The following SV2B variants were observed in gnomAD, a reference collection of about 807,000 sequenced individuals.
SV2B encodes synaptic vesicle glycoprotein 2B.
Under a neutral mutation model 73.9 loss-of-function variants are expected in SV2B, and 41 were observed. That is an observed-to-expected ratio of 0.56 (90% confidence interval 0.43 to 0.72). SV2B has a LOEUF of 0.72. Among genes scored for constraint, SV2B ranks in the 30% least tolerant of loss-of-function variants. SV2B has a pLI of 0.00. For missense variants in SV2B, 764 were observed against 857.8 expected (o/e 0.89, Z 1.37); for synonymous variants, 314 against 314.2 (o/e 1.00, Z 0.01).
At chr15:91,151,620 A>T (rs2043315097) in intron 1 of SV2B, among the ~76,000 whole-genome samples, 1 of 152,238 alleles carries the variant, frequency 6.6e-6, no homozygotes, top group Non-Finnish European at 1.5e-5. Flanking sequence ...AATGAAAATA[A>T]AGCTTAAAAG....
rs116385265 is a variant in SV2B at position 91,296,705 on chromosome 15, T to C, written c.*4153T>C. 2,052 of 142,498 alleles carry C rather than the reference T, an allele frequency of 0.014. 31 individuals carry two copies. The highest frequency in any genetic ancestry group is 0.047 in the African/African-American group (1,709 of 36,530). The allele number at this position is 142,498 out of a possible 1,614,324, so 8.8% of individuals were successfully genotyped here. A position where few individuals can be genotyped will look rare whatever the true frequency, so the allele number is the denominator to read the frequency against. ...TCATTGGGAGCACACTCCTTCTGCC[T>C]GATCATGGGCACACGCTCCTTCTGC... On this transcript the variant is annotated 3_prime_UTR_variant, in exon 13 of 13. Coordinates refer to ENST00000394232, the MANE Select transcript of SV2B (RefSeq NM_001323032.3).
Position 91,292,548 on chromosome 15 carries a change from T to A in SV2B, c.2048T>A (p.Met683Lys). Reference sequence around the variant, plus strand: ...CCAGAGACTCGAGAACAGGTCCTGATGTGAACAACCTATGGGAAAAGGAAA... The same window carrying A: ...CCAGAGACTCGAGAACAGGTCCTGAAGTGAACAACCTATGGGAAAAGGAAA... ...RLPETREQVL[M>K] Residue 683 changes from methionine (M) to lysine (K), a missense_variant, in exon 13 of 13, where the codon ATG becomes AAG. Met to Lys is a moderately conservative substitution (Grantham distance 95). Coordinates refer to ENST00000394232, the MANE Select transcript of SV2B (RefSeq NM_001323032.3). 6.2e-7 allele frequency: 1 copy of A among 1,613,016 alleles called. No homozygotes were observed. Among genetic ancestry groups the A allele is most frequent in the East Asian group, 2.2e-5 (1 of 44,820 alleles).
intron 9 of SV2B, among the ~76,000 whole-genome samples, chr15:91,273,368 G>A (rs2048379490): frequency 6.6e-6 from 1 of 152,186 alleles, no homozygotes; most frequent in African/African-American, 2.4e-5. Context: ...GATGTAGAAT[G>A]TATATCATAT....
intron 1 of SV2B, among the ~76,000 whole-genome samples, chr15:91,180,824 T>G (rs2141314637): frequency 6.6e-6 from 1 of 152,358 alleles, no homozygotes; most frequent in South Asian, 2.1e-4. Context: ...TCAACTTCTT[T>G]GCCTTTGGTT....
chr15:91,178,722 T>G (rs1567318514), intron 1 of SV2B, among the ~76,000 whole-genome samples: 2 of 150,684 alleles, frequency 1.3e-5, no homozygotes, highest in Admixed American at 1.3e-4. Context: ...CGTATTTCTG[T>G]GGGATCGGTG....
chr15:91,133,160 C>T lies in SV2B; in HGVS notation c.-392+32797C>T, dbSNP rs192123924. Among the ~76,000 whole-genome samples, 51 of 152,186 alleles carry T rather than the reference C, an allele frequency of 3.4e-4. No homozygotes were observed. The East Asian group carries it at 7.5e-3, about 23-fold the overall frequency. On this transcript the variant is annotated intron_variant, in intron 1 of 12. Coordinates refer to ENST00000394232, the MANE Select transcript of SV2B (RefSeq NM_001323032.3). The stretch of plus-strand genomic sequence containing the variant: ...AAGCAGTGCAGGTGGAAACTGACAC[C>T]GGTGCATTTGTAGGAATTAAGCATT...
chr15:91,226,416 G>C lies in SV2B; in HGVS notation c.153G>C (p.Gln51His). 1.9e-6 allele frequency: 3 copies of C among 1,614,192 alleles called. No homozygotes were observed. The highest frequency in any genetic ancestry group is 1.7e-6 in the Non-Finnish European group (2 of 1,180,032). The stretch of plus-strand genomic sequence containing the variant: ...ACGAGATCTATGAGGGCGAGTACCA[G>C]GGTATCCCTCACCCAGATGATGTCA... ...EEDEIYEGEY[Q>H]GIPHPDDVKA... is the part of the protein sequence containing the mutation. Residue 51 changes from glutamine (Q) to histidine (H), a missense_variant, in exon 2 of 13, where the codon CAG becomes CAC. Transcript: ENST00000394232.
chr15:91,183,957 G>A (rs750794336), intron 1 of SV2B, among the ~76,000 whole-genome samples: 2 of 135,928 alleles, frequency 1.5e-5, no homozygotes, highest in South Asian at 2.6e-4. Context: ...CCAAATAATC[G>A]CCTGGGGACA....
chr15:91,169,405 G>T (rs1220290021), intron 1 of SV2B, among the ~76,000 whole-genome samples: 1 of 152,148 alleles, frequency 6.6e-6, no homozygotes, highest in Non-Finnish European at 1.5e-5. Flanking sequence ...GTGAACGAAT[G>T]AATGAAAGAC....
intron 1 of SV2B, among the ~76,000 whole-genome samples, chr15:91,134,004 CT>C (rs10637206): frequency 5.9e-4 from 63 of 106,150 alleles, no homozygotes; most frequent in Middle Eastern, 0.012. Context: ...TTCTTTCTTC[CT>C]TTTTTTTTTT....
At chr15:91,177,393 A>C (rs1421268352) in intron 1 of SV2B, among the ~76,000 whole-genome samples, 2 of 151,824 alleles carry the variant, frequency 1.3e-5, no homozygotes, top group Non-Finnish European at 2.9e-5. Flanking sequence ...TTGGTTCCAT[A>C]TGAACTTTAA....
intron 1 of SV2B, among the ~76,000 whole-genome samples, chr15:91,206,129 C>G (rs912954252): frequency 6.6e-6 from 1 of 151,652 alleles, no homozygotes; most frequent in Non-Finnish European, 1.5e-5. Flanking sequence ...CCTTGAAATC[C>G]TGGGCTCAAG....
intron 4 of SV2B, among the ~76,000 whole-genome samples, chr15:91,256,144 G>C (rs933124890): frequency 6.6e-6 from 1 of 152,186 alleles, no homozygotes; most frequent in Non-Finnish European, 1.5e-5. Flanking sequence ...ATTGTAGTCA[G>C]CATTACCAGC....
chr15:91,181,275 C>T (rs181052190), intron 1 of SV2B, among the ~76,000 whole-genome samples: 35 of 151,810 alleles, frequency 2.3e-4, no homozygotes, highest in Middle Eastern at 3.4e-3. Flanking sequence ...GAGGAGTACC[C>T]GGCCATATGA....
intron 6 of SV2B, 33 bp downstream of exon 6, chr15:91,260,442 G>T (rs1039810088): frequency 2.0e-6 from 3 of 1,537,262 alleles, no homozygotes; most frequent in Non-Finnish European, 2.6e-6. Context: ...ATAAGAAGGG[G>T]GTTCTCCTCT....
Position 91,240,772 on chromosome 15 carries a change from G to A in SV2B, c.452-11047G>A, listed in dbSNP as rs886097576. On this transcript the variant is annotated intron_variant, in intron 2 of 12. Transcript: ENST00000394232. The surrounding 1 kb of genome is among the most constrained non-coding windows in gnomAD (Gnocchi z 4.6). ...CCTTACCATCCACATTTGCATTCCC[G>A]TATGACACTGTACATGCCTCCGTTC... Among the ~76,000 whole-genome samples the A allele has an allele frequency of 1.3e-5, 2 of 152,016 alleles. No individual in the cohort carries two copies. The highest frequency in any genetic ancestry group is 6.5e-5 in the Admixed American group (1 of 15,268).
intron 1 of SV2B, among the ~76,000 whole-genome samples, chr15:91,126,218 G>C (rs546319392): frequency 2.6e-5 from 4 of 152,184 alleles, no homozygotes; most frequent in Non-Finnish European, 4.4e-5. Context: ...GTGCACCTGA[G>C]GGCAGCAGGC....
At chr15:91,218,197 A>G (rs2046098659) in intron 1 of SV2B, among the ~76,000 whole-genome samples, 1 of 152,188 alleles carries the variant, frequency 6.6e-6, no homozygotes, top group South Asian at 2.1e-4. Context: ...GTGCAGCAAT[A>G]TGATTGGAGG....
chr15:91,153,592 T>G (rs2043385364), intron 1 of SV2B, among the ~76,000 whole-genome samples: 1 of 152,174 alleles, frequency 6.6e-6, no homozygotes, highest in Non-Finnish European at 1.5e-5. Flanking sequence ...TAGACAGTTT[T>G]CCACAGCTCT....
Sources: allele counts gnomAD v4.1 joint callset (sites outside exome capture counted in the v4.1 genomes callset), GRCh38; gene constraint gnomAD v4.1.1; non-coding constraint Gnocchi (gnomAD v3.1); transcripts MANE v1.5; gene names NCBI Gene and HGNC (gene_info 2026-07-23, HGNC 2026-07-21).